The following RBM6 variants were observed in gnomAD, a reference collection of about 807,000 sequenced individuals.
The protein encoded by RBM6 is RNA binding motif protein 6.
A neutral mutation model predicts 140.4 loss-of-function variants in RBM6; 23 were observed. The observed-to-expected ratio is 0.16, with a 90% CI of 0.12 to 0.23. The LOEUF (loss-of-function observed/expected upper bound fraction) is 0.23. RBM6 is among the 10% of genes least tolerant of loss of function. The pLI, the probability that RBM6 is intolerant of heterozygous loss-of-function variation, is 1.00. For missense variants in RBM6, 1,139 were observed against 1,386.7 expected, an observed-to-expected ratio of 0.82 and a Z score of 2.84; for synonymous variants, 439 against 475.6, an observed-to-expected ratio of 0.92 and a Z score of 1.00.
intron 6 of RBM6, among the ~76,000 whole-genome samples, chr3:50,022,316 G>A (rs2108798090): frequency 6.6e-6 from 1 of 151,494 alleles, no homozygotes; most frequent in African/African-American, 2.4e-5. Flanking sequence ...AGAAGATAAT[G>A]ATTTAGTTTT....
intron 5 of RBM6, among the ~76,000 whole-genome samples, chr3:49,998,493 G>A (rs2108733104): frequency 6.6e-6 from 1 of 152,292 alleles, no homozygotes. Flanking sequence ...GCATTGACAA[G>A]TGTATTTTTG....
rs770674693 is a variant in RBM6, at chr3:50,066,392, G to A, written c.2833G>A (p.Glu945Lys). Reference sequence around the variant, plus strand: ...AGAGGAGCAAACCAAGAAGGAGAATGAAGAAGACAAACTCACTGACTGGAA... The same window carrying A: ...AGAGGAGCAAACCAAGAAGGAGAATAAAGAAGACAAACTCACTGACTGGAA... Reference protein sequence around the residue: ...KREEQTKKENEEDKLTDWNKL... With the variant: ...KREEQTKKENKEDKLTDWNKL... The change falls in exon 17 of 21, where the codon GAA becomes AAA. Residue 945 changes from glutamate (E) to lysine (K), a missense_variant. Glu to Lys is a moderately conservative substitution (Grantham distance 56). Around this residue, in one of 9 missense-constraint regions of RBM6, gnomAD observed 40 missense variants for 80.1 expected, o/e 0.50. Coordinates refer to ENST00000266022, the MANE Select transcript of RBM6 (RefSeq NM_005777.3). 6.2e-7 allele frequency: 1 copy of A among 1,614,074 alleles called. No individual in the cohort carries two copies. Among genetic ancestry groups the A allele is most frequent in the Non-Finnish European group, 8.5e-7 (1 of 1,180,028 alleles).
chr3:49,962,057 G>A (rs2084305494), intron 1 of RBM6, among the ~76,000 whole-genome samples: 1 of 151,766 alleles, frequency 6.6e-6, no homozygotes. Flanking sequence ...TTGGGAGGCT[G>A]AGGCAGGAGA....
At chr3:49,978,135 G>A (rs186412660) in intron 5 of RBM6, among the ~76,000 whole-genome samples, 16 of 152,126 alleles carry the variant, frequency 1.1e-4, no homozygotes, top group African/African-American at 3.9e-4. Flanking sequence ...AGAGTATTTG[G>A]GACTACAGGT....
At chr3:50,046,583 GA>G (rs75244837) in intron 6 of RBM6, among the ~76,000 whole-genome samples, 3,312 of 124,184 alleles carry the variant, frequency 0.027, 126 homozygotes, top group African/African-American at 0.083. Flanking sequence ...CTGTCTCAGG[GA>G]AAAAAAAAAA....
intron 6 of RBM6, among the ~76,000 whole-genome samples, chr3:50,036,867 C>T (rs146982238): frequency 2.0e-4 from 31 of 152,130 alleles, no homozygotes; most frequent in Admixed American, 2.0e-3. Context: ...CTGCAGCCTC[C>T]GCCTCCTGGG....
chr3:49,978,173 A>C (rs2108661970), intron 5 of RBM6, among the ~76,000 whole-genome samples: 1 of 152,114 alleles, frequency 6.6e-6, no homozygotes, highest in East Asian at 1.9e-4. Context: ...GCTAATTTTT[A>C]AACTTTTTGT....
At chr3:49,950,625 C>T (rs1194168252) in intron 1 of RBM6, among the ~76,000 whole-genome samples, 1 of 151,862 alleles carries the variant, frequency 6.6e-6, no homozygotes, top group South Asian at 2.1e-4. Context: ...TGTGGTGGTG[C>T]ATGCCTGTAA....
chr3:49,955,478 A>C (rs1319041269), intron 1 of RBM6, among the ~76,000 whole-genome samples: 4 of 151,804 alleles, frequency 2.6e-5, no homozygotes, highest in African/African-American at 9.7e-5. Flanking sequence ...GCTCACTGCA[A>C]CCTTCGCCTC....
intron 6 of RBM6, among the ~76,000 whole-genome samples, chr3:50,036,210 A>G (rs1190617363): frequency 6.6e-6 from 1 of 152,154 alleles, no homozygotes; most frequent in Admixed American, 6.6e-5. Context: ...TCCCTTTTTA[A>G]ACGTATTTTC....
At chr3:50,027,465 T>C (rs922775858) in intron 6 of RBM6, among the ~76,000 whole-genome samples, 3 of 152,166 alleles carry the variant, frequency 2.0e-5, no homozygotes, top group African/African-American at 4.8e-5. Flanking sequence ...AAAAAGAAAC[T>C]ATATATCCAT....
At chr3:49,945,775 G>T (rs1306266804) in intron 1 of RBM6, among the ~76,000 whole-genome samples, 1 of 151,452 alleles carries the variant, frequency 6.6e-6, no homozygotes, top group African/African-American at 2.4e-5. Flanking sequence ...CCAGCTGCTG[G>T]GGAGGCTGGG....
chr3:50,026,649 G>GA (rs960444877), intron 6 of RBM6, among the ~76,000 whole-genome samples: 9 of 147,348 alleles, frequency 6.1e-5, no homozygotes, highest in African/African-American at 1.0e-4. Context: ...AAAAAAAAAA[G>GA]AAAAAAAAAT....
At chr3:49,977,539 G>A (rs535868397) in intron 5 of RBM6, among the ~76,000 whole-genome samples, 4 of 152,214 alleles carry the variant, frequency 2.6e-5, no homozygotes, top group Admixed American at 6.5e-5. Flanking sequence ...ATTTTTCTCC[G>A]TGGTTTTGTG....
Position 50,057,852 on chromosome 3 carries a change from G to T in RBM6, c.1818G>T (p.Lys606Asn), listed in dbSNP as rs1458599461. Residue 606 changes from lysine to asparagine, a missense_variant, in exon 9 of 21, where the codon AAG (lysine) becomes AAT (asparagine). Lys to Asn is a moderately conservative substitution (Grantham distance 94, BLOSUM62 0). This residue lies in a region of RBM6 where 109 missense variants were observed against 101.9 expected (regional missense o/e 1.07). Coordinates refer to ENST00000266022, the MANE Select transcript of RBM6 (RefSeq NM_005777.3). ...CTGATAAGGAACCTGAACCCAGGAAGAGGGAAGAAGGCCAAGAGTCACGCT... is the reference window on the plus strand; with the variant it reads ...CTGATAAGGAACCTGAACCCAGGAATAGGGAAGAAGGCCAAGAGTCACGCT... ...RPADKEPEPR[K>N]REEGQESRLG... 1 of 1,614,072 alleles carries T rather than the reference G, an allele frequency of 6.2e-7. No homozygotes were observed. The highest frequency in any genetic ancestry group is 1.7e-5 in the Admixed American group (1 of 59,996).
chr3:49,962,548 A>G, intron 1 of RBM6, 28 bp from the exon 2 acceptor site: 1 of 1,089,188 alleles, frequency 9.2e-7, no homozygotes, highest in Non-Finnish European at 1.3e-6. Flanking sequence ...ATTCTAAAGT[A>G]CTAATTTTTG....
chr3:49,973,536 G>A (rs1437257785), intron 4 of RBM6, among the ~76,000 whole-genome samples: 6 of 151,332 alleles, frequency 4.0e-5, no homozygotes, highest in Non-Finnish European at 8.8e-5. Context: ...AATGCACACA[G>A]TATGATTTCA....
chr3:50,060,753 CA>C (rs35467618), intron 11 of RBM6: 9,673 of 124,106 alleles, frequency 0.078, no homozygotes, highest in Middle Eastern at 0.12. Flanking sequence ...GACTCCGTCT[CA>C]AAAAAAAAAA....
chr3:50,007,813 G>A (rs1156260042), intron 6 of RBM6, among the ~76,000 whole-genome samples: 2 of 152,202 alleles, frequency 1.3e-5, no homozygotes, highest in South Asian at 2.1e-4. Context: ...GATTACAGGC[G>A]TGAGCCACCT....
Sources: allele counts gnomAD v4.1 joint callset (sites outside exome capture counted in the v4.1 genomes callset), GRCh38; gene constraint gnomAD v4.1.1; regional missense constraint gnomAD v4.1.1; transcripts MANE v1.5; gene names NCBI Gene and HGNC (gene_info 2026-07-23, HGNC 2026-07-21).